Variants in TRIM55 observed in about 807,000 individuals in gnomAD.
TRIM55 encodes tripartite motif-containing protein 55.
In TRIM55, 50 loss-of-function variants were observed where a neutral mutation model predicts 60.9. The observed-to-expected ratio is 0.82, with a 90% CI of 0.65 to 1.04. TRIM55 has a LOEUF of 1.04. Among genes scored for constraint, TRIM55 ranks in the 50% least tolerant of loss-of-function variants. The probability of loss-of-function intolerance (pLI) is 0.00; values close to 1 mark genes in which losing one functional copy is unlikely to be tolerated. For missense variants in TRIM55, 681 were observed against 666.9 expected, an observed-to-expected ratio of 1.02 and a Z score of -0.23; for synonymous variants, 237 against 238.1, an observed-to-expected ratio of 1.00 and a Z score of 0.04.
chr8:66,136,994 A>G (rs2128975287), intron 3 of TRIM55, 101 bp from the exon 4 acceptor site: 1 of 933,322 alleles, frequency 1.1e-6, no homozygotes. Context: ...GGTTGCATGG[A>G]TCCTAAATTA....
At chr8:66,128,269 T>C in intron 1 of TRIM55, 35 bp from the exon 2 acceptor site, 1 of 1,542,388 alleles carries the variant, frequency 6.5e-7, no homozygotes, top group East Asian at 2.3e-5. Context: ...CTTGTGGCAT[T>C]ACCCAATTCC....
In TRIM55 at chr8:66,154,103, T is replaced by A. The variant is rs769204376; in HGVS notation, c.1293T>A (p.Pro431=). 1.2e-6 allele frequency: 2 copies of A among 1,614,076 alleles called. No individual in the cohort carries two copies. Among genetic ancestry groups the A allele is most frequent in the Non-Finnish European group, 1.7e-6 (2 of 1,180,008 alleles). ...EQTTESETPV[P]AAAETADPLF... is the part of the protein sequence containing the mutation. ...CCACAGAGTCTGAAACTCCAGTCCC[T>A]GCAGCAGCAGAAACTGCGGATCCCT... Residue 431 remains proline (P), a synonymous_variant, in exon 9 of 10, where the codon CCT becomes CCA. Coordinates refer to ENST00000315962, the MANE Select transcript of TRIM55 (RefSeq NM_184085.2).
rs984988978 is a variant in TRIM55, at chr8:66,174,684, T to C, written c.*91T>C. 2.4e-5 allele frequency: 32 copies of C among 1,360,794 alleles called. No individual in the cohort carries two copies. Among genetic ancestry groups the C allele is most frequent in the African/African-American group, 2.0e-4 (13 of 66,224 alleles). 84.3% of individuals were successfully genotyped at this position (1,360,794 alleles called of 1,614,324 possible). On this transcript the variant is annotated 3_prime_UTR_variant, in exon 10 of 10. Transcript: ENST00000315962. ...AGTGAAATTAATATTATGCAGATGA[T>C]GAAAGGGACCTCTGAACAGGATTTC...
At chr8:66,135,671 A>G (rs767952255) in intron 3 of TRIM55, among the ~76,000 whole-genome samples, 1 of 152,166 alleles carries the variant, frequency 6.6e-6, no homozygotes, top group Non-Finnish European at 1.5e-5. Flanking sequence ...GAACAGCTTT[A>G]AAACACAGAC....
the TRIM55 span, among the ~76,000 whole-genome samples, chr8:66,115,902 T>G: frequency 6.6e-6 from 1 of 152,194 alleles, no homozygotes; most frequent in Non-Finnish European, 1.5e-5. Flanking sequence ...AAACATTAGC[T>G]GTTATGAGTG....
intron 4 of TRIM55, among the ~76,000 whole-genome samples, chr8:66,138,452 T>G (rs1010249744): frequency 2.6e-5 from 4 of 152,284 alleles, no homozygotes; most frequent in African/African-American, 9.6e-5. Flanking sequence ...TGCAATGGCA[T>G]GATCTTGGCT....
In TRIM55 at chr8:66,152,984, TATC is replaced by T. The variant is rs558140669; in HGVS notation, c.1236+360_1236+362del. On this transcript the variant is annotated intron_variant, in intron 8 of 9. Coordinates refer to ENST00000315962, the MANE Select transcript of TRIM55 (RefSeq NM_184085.2). ...GTCATGTTAATTCATAGAGAGCTGA[TATC>T]ATGGGGACTGGGTCTGCTCTTTGTT... 5.4e-4 allele frequency among the ~76,000 whole-genome samples: 82 copies of T among 151,822 alleles called. 2 individuals carry two copies. In the East Asian group the frequency reaches 0.013, roughly 23 times the overall value.
At chr8:66,171,708 C>T (rs951661675) in intron 9 of TRIM55, among the ~76,000 whole-genome samples, 1 of 152,202 alleles carries the variant, frequency 6.6e-6, no homozygotes, top group Admixed American at 6.5e-5. Flanking sequence ...TGAAGGAACA[C>T]ATATACACAA....
chr8:66,118,961 C>T, the TRIM55 span, among the ~76,000 whole-genome samples: 1 of 152,212 alleles, frequency 6.6e-6, no homozygotes, highest in Non-Finnish European at 1.5e-5. Flanking sequence ...TTAACAGCCT[C>T]ACTGGCTCAG....
chr8:66,131,362 T>C (rs1165764914), intron 2 of TRIM55, among the ~76,000 whole-genome samples: 2 of 152,184 alleles, frequency 1.3e-5, no homozygotes, highest in East Asian at 1.9e-4. Flanking sequence ...GTCAACCACT[T>C]TTAATTCTTT....
chr8:66,148,645 G>A (rs1191512799), intron 4 of TRIM55, among the ~76,000 whole-genome samples: 2 of 152,202 alleles, frequency 1.3e-5, no homozygotes, highest in Non-Finnish European at 2.9e-5. Flanking sequence ...TACAATGGAG[G>A]ATAGTAGAAT....
intron 2 of TRIM55, among the ~76,000 whole-genome samples, chr8:66,131,130 G>A (rs907696785): frequency 6.6e-6 from 1 of 152,178 alleles, no homozygotes; most frequent in African/African-American, 2.4e-5. Context: ...GCCAGACACT[G>A]TTCAGGGTGC....
chr8:66,150,133 A>C, intron 5 of TRIM55, 84 bp from the exon 6 acceptor site: 1 of 1,480,104 alleles, frequency 6.8e-7, no homozygotes, highest in African/African-American at 1.4e-5. Context: ...TGAGATTCTC[A>C]GAGTCAACAA....
At chr8:66,147,738 T>C (rs1249986009) in intron 4 of TRIM55, among the ~76,000 whole-genome samples, 1 of 138,570 alleles carries the variant, frequency 7.2e-6, no homozygotes, top group Admixed American at 8.7e-5. Flanking sequence ...GAGCTTGCAG[T>C]GAGCCGAGAT....
chr8:66,117,045 G>C, the TRIM55 span, among the ~76,000 whole-genome samples: 4 of 152,192 alleles, frequency 2.6e-5, no homozygotes, highest in Non-Finnish European at 4.4e-5. Flanking sequence ...AAAAAATCAT[G>C]TGATCATCTC....
chr8:66,144,533 G>C (rs1810001441), intron 4 of TRIM55, among the ~76,000 whole-genome samples: 1 of 152,154 alleles, frequency 6.6e-6, no homozygotes, highest in Non-Finnish European at 1.5e-5. Context: ...TTATGGTGGA[G>C]GTATACTTCA....
intron 4 of TRIM55, among the ~76,000 whole-genome samples, chr8:66,142,316 A>G (rs1487413740): frequency 6.6e-6 from 1 of 152,212 alleles, no homozygotes; most frequent in Non-Finnish European, 1.5e-5. Flanking sequence ...ATCTCCCTCT[A>G]GAGGGACACG....
chr8:66,164,217 G>C (rs1006888116), intron 9 of TRIM55, among the ~76,000 whole-genome samples: 1 of 152,134 alleles, frequency 6.6e-6, no homozygotes, highest in Non-Finnish European at 1.5e-5. Flanking sequence ...CACTGCCTGA[G>C]TCCAACAAGC....
intron 4 of TRIM55, among the ~76,000 whole-genome samples, chr8:66,141,108 G>A (rs1809788172): frequency 6.6e-6 from 1 of 152,218 alleles, no homozygotes; most frequent in Non-Finnish European, 1.5e-5. Context: ...CCTGTCCCAA[G>A]ACCAGCCCTG....
Sources: gnomAD v4.1 joint callset for allele counts (sites outside exome capture counted in the v4.1 genomes callset) on GRCh38, gnomAD v4.1.1 for gene constraint, MANE v1.5 for transcripts, NCBI Gene and HGNC (gene_info 2026-07-23, HGNC 2026-07-21) for gene names.